Variants in SYTL5 observed in about 807,000 individuals in gnomAD.
The protein encoded by SYTL5 is synaptotagmin-like protein 5.
A neutral mutation model predicts 55.9 loss-of-function variants in SYTL5; 34 were observed. The ratio of observed to expected loss-of-function variants is 0.61; its 90% CI spans 0.46 to 0.81. The LOEUF (loss-of-function observed/expected upper bound fraction) is 0.81, where lower values mean the gene tolerates loss of function less well. Among genes scored for constraint, SYTL5 ranks in the 30% least tolerant of loss-of-function variants. SYTL5 has a pLI of 0.00. For missense variants in SYTL5, 637 were observed against 546.7 expected, an observed-to-expected ratio of 1.17 and a Z score of -1.65; for synonymous variants, 221 against 188.7, an observed-to-expected ratio of 1.17 and a Z score of -1.40.
At chrX:37,924,351 C>G in the SYTL5 span, among the ~76,000 whole-genome samples, 1 of 111,091 alleles carries the variant, frequency 9.0e-6, no homozygotes, top group Admixed American at 9.6e-5. Context: ...ATACAGCAAG[C>G]TTACTAATAC....
intron 11 of SYTL5, among the ~76,000 whole-genome samples, chrX:38,108,058 T>G (rs1034989803): frequency 8.9e-6 from 1 of 112,166 alleles, no homozygotes; most frequent in Non-Finnish European, 1.9e-5. Context: ...TTTGCCTTTT[T>G]CACTGTTTTC....
At chrX:38,074,122 C>T (rs1453884009) in intron 5 of SYTL5, among the ~76,000 whole-genome samples, 1 of 111,366 alleles carries the variant, frequency 9.0e-6, no homozygotes, top group African/African-American at 3.3e-5. Flanking sequence ...CACCATATTC[C>T]CTATTTAAAA....
At chrX:37,947,344 C>G in the SYTL5 span, among the ~76,000 whole-genome samples, 1 of 111,435 alleles carries the variant, frequency 9.0e-6, no homozygotes, top group African/African-American at 3.3e-5. Context: ...GTGATTGGAT[C>G]ATGGCGGAAG....
the SYTL5 span, among the ~76,000 whole-genome samples, chrX:37,916,156 T>C: frequency 8.9e-6 from 1 of 111,785 alleles, no homozygotes; most frequent in Non-Finnish European, 1.9e-5. Context: ...GATTCATCAG[T>C]CTTCCTTCTC....
intron 2 of SYTL5, among the ~76,000 whole-genome samples, chrX:38,041,283 C>T (rs766405007): frequency 2.7e-5 from 3 of 112,245 alleles, no homozygotes; most frequent in South Asian, 3.7e-4. Context: ...GGAGTCTAAG[C>T]GCCAAGCAAT....
chrX:38,056,051 G>A (rs1303708545), intron 3 of SYTL5, among the ~76,000 whole-genome samples: 1 of 111,453 alleles, frequency 9.0e-6, no homozygotes, highest in Non-Finnish European at 1.9e-5. Flanking sequence ...TCAAGTACTA[G>A]ATCTTATTTA....
the SYTL5 span, among the ~76,000 whole-genome samples, chrX:37,947,484 C>G: frequency 7.2e-5 from 8 of 111,751 alleles, no homozygotes; most frequent in Non-Finnish European, 1.9e-5. Context: ...TCCCCTTCAC[C>G]CTCTGCCATG....
intron 8 of SYTL5, among the ~76,000 whole-genome samples, chrX:38,095,768 TG>T (rs1188532356): frequency 1.4e-4 from 13 of 89,821 alleles, no homozygotes; most frequent in African/African-American, 5.9e-4. Context: ...GAATTGTTAA[TG>T]TTTTTTTTTC....
chrX:38,093,358 A>T (rs1195864840), intron 7 of SYTL5, among the ~76,000 whole-genome samples: 1 of 112,224 alleles, frequency 8.9e-6, no homozygotes, highest in East Asian at 2.8e-4. Flanking sequence ...GATTGTTTAC[A>T]GAAGGGAGAA....
At chrX:38,105,563 T>G (rs1937187985) in intron 10 of SYTL5, among the ~76,000 whole-genome samples, 1 of 111,752 alleles carries the variant, frequency 8.9e-6, no homozygotes, top group African/African-American at 3.3e-5. Flanking sequence ...CTTATCTCAG[T>G]GAGCAGGGGG....
chrX:38,015,592 T>TA (rs1158165265), intron 1 of SYTL5, among the ~76,000 whole-genome samples: 10 of 111,629 alleles, frequency 9.0e-5, no homozygotes, highest in African/African-American at 1.6e-4. Context: ...CATAGGACGT[T>TA]AAAAAAAATC....
chrX:38,000,856 G>A, the SYTL5 span, among the ~76,000 whole-genome samples: 1 of 111,446 alleles, frequency 9.0e-6, no homozygotes, highest in Admixed American at 9.5e-5. Flanking sequence ...GCTCTTCTCC[G>A]ACCGCCCCAA....
At chrX:37,987,757 G>A in the SYTL5 span, among the ~76,000 whole-genome samples, 1 of 112,165 alleles carries the variant, frequency 8.9e-6, no homozygotes, top group Non-Finnish European at 1.9e-5. Context: ...TTCTTTGTGT[G>A]AGACCTTTCA....
chrX:37,942,671 C>A, the SYTL5 span, among the ~76,000 whole-genome samples: 1 of 111,531 alleles, frequency 9.0e-6, no homozygotes, highest in African/African-American at 3.3e-5. Flanking sequence ...TCACTTCTCC[C>A]TTTTTTCAAA....
chrX:38,078,886 G>A (rs182234192), intron 6 of SYTL5, among the ~76,000 whole-genome samples: 10 of 112,282 alleles, frequency 8.9e-5, no homozygotes, highest in South Asian at 7.4e-4. Context: ...TACCTGAAAT[G>A]GCTTACACAT....
chrX:38,028,172 A>G (rs1370706447), intron 1 of SYTL5, among the ~76,000 whole-genome samples: 3 of 111,747 alleles, frequency 2.7e-5, no homozygotes, highest in Middle Eastern at 4.2e-3. Flanking sequence ...TCCTGGACCT[A>G]TTAGAAAGTG....
the SYTL5 span, among the ~76,000 whole-genome samples, chrX:37,940,255 T>G: frequency 9.0e-6 from 1 of 110,844 alleles, no homozygotes; most frequent in Non-Finnish European, 1.9e-5. Context: ...AAACATGGAT[T>G]ATTTTATTTG....
At chrX:37,997,935 A>G in the SYTL5 span, among the ~76,000 whole-genome samples, 1 of 112,035 alleles carries the variant, frequency 8.9e-6, no homozygotes, top group Admixed American at 9.4e-5. Context: ...GAGCTGAACA[A>G]ATGTTGGGAC....
the SYTL5 span, among the ~76,000 whole-genome samples, chrX:37,948,447 C>T: frequency 9.1e-6 from 1 of 109,419 alleles, no homozygotes; most frequent in African/African-American, 3.3e-5. Context: ...ATTATGAAAT[C>T]ATTTACATAA....
Sources: allele counts gnomAD v4.1 joint callset (sites outside exome capture counted in the v4.1 genomes callset), GRCh38; gene constraint gnomAD v4.1.1; transcripts MANE v1.5; gene names NCBI Gene and HGNC (gene_info 2026-07-23, HGNC 2026-07-21).